AMBRA1: variants seen among roughly 807,000 people sequenced by gnomAD.
The protein encoded by AMBRA1 is autophagy and beclin 1 regulator 1, also known as activating molecule in BECN1-regulated autophagy protein 1.
A neutral mutation model predicts 125.4 loss-of-function variants in AMBRA1; 47 were observed. The ratio of observed to expected loss-of-function variants is 0.37; its 90% confidence interval spans 0.30 to 0.48. AMBRA1 has a LOEUF of 0.48. Ranked by LOEUF, AMBRA1 falls within the 20% of genes least tolerant of loss-of-function variation. The pLI, the probability that AMBRA1 is intolerant of heterozygous loss-of-function variation, is 0.99. For synonymous variants in AMBRA1, 626 were observed against 655.5 expected, an observed-to-expected ratio of 0.95 and a Z score of 0.69; for missense variants, 1,331 against 1,693.4, an observed-to-expected ratio of 0.79 and a Z score of 3.76.
intron 4 of AMBRA1, 170 bp from the exon 5 acceptor site, chr11:46,545,946 T>C (rs117222671): frequency 7.3e-5 from 45 of 615,294 alleles, no homozygotes; most frequent in Non-Finnish European, 1.1e-4. Context: ...TGCCACTAAT[T>C]TATCAGATAA....
chr11:46,527,799 AC>A (rs1371355470), intron 7 of AMBRA1, among the ~76,000 whole-genome samples: 3 of 152,154 alleles, frequency 2.0e-5, no homozygotes, highest in Non-Finnish European at 4.4e-5. Flanking sequence ...GAAAAAAAAA[AC>A]AGGAAATAAC....
intron 9 of AMBRA1, among the ~76,000 whole-genome samples, chr11:46,496,546 A>G (rs1447852188): frequency 6.6e-6 from 1 of 152,226 alleles, no homozygotes; most frequent in Non-Finnish European, 1.5e-5. Context: ...CTTCTGGACA[A>G]CAAACACGAA....
intron 15 of AMBRA1, among the ~76,000 whole-genome samples, chr11:46,414,627 C>A (rs1295730265): frequency 6.6e-6 from 1 of 152,056 alleles, no homozygotes; most frequent in African/African-American, 2.4e-5. Flanking sequence ...GCACTTCACA[C>A]CCCCCATGGT....
chr11:46,436,145 G>C (rs936351020), intron 12 of AMBRA1, among the ~76,000 whole-genome samples: 2 of 152,188 alleles, frequency 1.3e-5, no homozygotes, highest in Non-Finnish European at 2.9e-5. Context: ...TAAAAGCCAA[G>C]CTCAGCTGCC....
chr11:46,582,107 T>A (rs2044195512), intron 1 of AMBRA1, among the ~76,000 whole-genome samples: 1 of 144,830 alleles, frequency 6.9e-6, no homozygotes, highest in Non-Finnish European at 1.5e-5. Flanking sequence ...AGAGACCCTG[T>A]CTCAAAAAAA....
chr11:46,403,558 G>A (rs1287908614), intron 17 of AMBRA1, among the ~76,000 whole-genome samples: 1 of 152,222 alleles, frequency 6.6e-6, no homozygotes, highest in Non-Finnish European at 1.5e-5. Context: ...TGTCATCAGT[G>A]CTGGAAGCCA....
In AMBRA1 at chr11:46,425,239, G is replaced by T. The variant is rs571408528; in HGVS notation, c.2977-7187C>A. Among the ~76,000 whole-genome samples, 213 of 151,958 alleles carry T rather than the reference G, an allele frequency of 1.4e-3. 3 individuals are homozygous for T. Among genetic ancestry groups the T allele is most frequent in the Middle Eastern group, 3.4e-3 (1 of 294 alleles). On this transcript the variant is annotated intron_variant, in intron 14 of 17. Transcript: ENST00000683756. Reference sequence around the variant, plus strand: ...TTCTGTGTCTTTCTACATCTCAAAGGAAATGGTCTAATGAGTTCTAGAGAT... The same window carrying T: ...TTCTGTGTCTTTCTACATCTCAAAGTAAATGGTCTAATGAGTTCTAGAGAT...
chr11:46,427,398 T>C (rs1947196478), intron 14 of AMBRA1, among the ~76,000 whole-genome samples: 1 of 152,174 alleles, frequency 6.6e-6, no homozygotes, highest in Non-Finnish European at 1.5e-5. Context: ...AGCAATCTAA[T>C]GTTTATTTTC....
chr11:46,495,987 T>G (rs1350581317), intron 9 of AMBRA1, among the ~76,000 whole-genome samples: 4 of 152,136 alleles, frequency 2.6e-5, no homozygotes, highest in Non-Finnish European at 5.9e-5. Flanking sequence ...CACAGTGGTG[T>G]GCATCTGTAG....
intron 11 of AMBRA1, among the ~76,000 whole-genome samples, chr11:46,457,996 T>G (rs1026400200): frequency 3.3e-5 from 5 of 151,920 alleles, no homozygotes; most frequent in Non-Finnish European, 5.9e-5. Flanking sequence ...TTCAGACCCT[T>G]GTTCTGAAGT....
intron 11 of AMBRA1, among the ~76,000 whole-genome samples, chr11:46,483,860 A>T (rs993108019): frequency 6.6e-6 from 1 of 152,158 alleles, no homozygotes; most frequent in African/African-American, 2.4e-5. Flanking sequence ...ACTGCACTCC[A>T]GCCTGGGCAA....
intron 11 of AMBRA1, among the ~76,000 whole-genome samples, chr11:46,452,163 T>A (rs1402982919): frequency 2.0e-5 from 3 of 152,122 alleles, no homozygotes; most frequent in Non-Finnish European, 4.4e-5. Flanking sequence ...TAAATGTCTA[T>A]CAATTTGTGA....
intron 11 of AMBRA1, among the ~76,000 whole-genome samples, chr11:46,446,618 G>A (rs561264611): frequency 3.3e-5 from 5 of 152,158 alleles, no homozygotes; most frequent in Non-Finnish European, 5.9e-5. Context: ...GTGCATCGCA[G>A]AACATTTAGC....
intron 11 of AMBRA1, among the ~76,000 whole-genome samples, chr11:46,485,763 T>A (rs1950248389): frequency 6.6e-6 from 1 of 152,056 alleles, no homozygotes; most frequent in African/African-American, 2.4e-5. Context: ...CTTACACATA[T>A]AAAAGGAACA....
intron 10 of AMBRA1, 147 bp from the exon 11 acceptor site, chr11:46,493,855 C>A: frequency 1.5e-6 from 1 of 677,986 alleles, no homozygotes; most frequent in East Asian, 2.7e-5. Flanking sequence ...TTGGTCCTTC[C>A]GCAGATTTGT....
rs565279708 is a variant in AMBRA1 at position 46,534,655 on chromosome 11, T to C, written c.2072+7290A>G. On this transcript the variant is annotated intron_variant, in intron 7 of 17. Transcript: ENST00000683756. ...CCAAACTCATCCAGGAAGCAGTCCT[T>C]GTGCATACTCCTCAGTTCCCTCTTC... is the stretch of plus-strand genomic sequence containing the variant. 3.2e-4 allele frequency among the ~76,000 whole-genome samples: 49 copies of C among 152,244 alleles called. No homozygotes were observed. In the South Asian group the frequency reaches 9.5e-3, roughly 30 times the overall value.
intron 1 of AMBRA1, among the ~76,000 whole-genome samples, chr11:46,558,565 A>C (rs2043230892): frequency 6.7e-6 from 1 of 148,850 alleles, no homozygotes; most frequent in South Asian, 2.1e-4. Flanking sequence ...AAAAAAAAAA[A>C]AAAAAAAAAC....
At chr11:46,514,005 A>G (rs1425333874) in intron 7 of AMBRA1, among the ~76,000 whole-genome samples, 1 of 151,998 alleles carries the variant, frequency 6.6e-6, no homozygotes, top group East Asian at 1.9e-4. Context: ...CTTGGCAGCC[A>G]ATCAAGCTCC....
chr11:46,587,331 G>T (rs933126500), intron 1 of AMBRA1, among the ~76,000 whole-genome samples: 1 of 152,100 alleles, frequency 6.6e-6, no homozygotes, highest in Admixed American at 6.6e-5. Flanking sequence ...AGTGAGCCAA[G>T]ATTGCACCAC....
Sources: gnomAD v4.1 joint callset for allele counts (sites outside exome capture counted in the v4.1 genomes callset) on GRCh38, gnomAD v4.1.1 for gene constraint, MANE v1.5 for transcripts, NCBI Gene and HGNC (gene_info 2026-07-23, HGNC 2026-07-21) for gene names.